INTS1: variants seen among roughly 807,000 people sequenced by gnomAD.
INTS1 encodes integrator complex subunit 1.
INTS1 carries 137 observed loss-of-function variants against 241.6 expected under a neutral mutation model. That is an observed-to-expected ratio of 0.57 (90% confidence interval 0.49 to 0.65). The LOEUF (loss-of-function observed/expected upper bound fraction) is 0.65. Among genes scored for constraint, INTS1 ranks in the 30% least tolerant of loss-of-function variants. The pLI is 0.00. For synonymous variants in INTS1, 1,692 were observed against 1,337.8 expected (o/e 1.26, Z -5.78); for missense variants, 3,073 against 3,032.2 (o/e 1.01, Z -0.32).
Position 1,476,263 on chromosome 7 carries a change from G to A in INTS1, c.5344C>T (p.His1782Tyr), listed in dbSNP as rs1218861582. Residue 1782 changes from histidine (H) to tyrosine (Y), a missense_variant, in exon 38 of 48, where the codon CAC becomes TAC. Transcript: ENST00000404767. Reference sequence around the variant, plus strand: ...CACTGCTGGATGCAGCCTGACAGGTGCTCCGTCACCTTCCTGACACTCTCA... The same window carrying A: ...CACTGCTGGATGCAGCCTGACAGGTACTCCGTCACCTTCCTGACACTCTCA... ...DDESVRKVTE[H>Y]LSGCIQQWGD... is the part of the protein sequence containing the mutation. The A allele has an allele frequency of 1.3e-6, 2 of 1,570,516 alleles. No individual in the cohort carries two copies. The highest frequency in any genetic ancestry group is 8.6e-7 in the Non-Finnish European group (1 of 1,159,590).
In INTS1 at chr7:1,476,727, G is replaced by A. The variant is rs574422386; in HGVS notation, c.5063+67C>T. 8 of 1,612,050 alleles carry A rather than the reference G, an allele frequency of 5.0e-6. No individual in the cohort carries two copies. In the East Asian group the frequency reaches 1.8e-4, roughly 36 times the overall value. On this transcript the variant is annotated intron_variant, in intron 36 of 47. Coordinates refer to ENST00000404767, the MANE Select transcript of INTS1 (RefSeq NM_001080453.3). Reference sequence around the variant, plus strand: ...GCATGGGAGATACCAGTCAGAGCCGGCGCTGGGAGATTTCTGGTGAAGGCC... The same window carrying A: ...GCATGGGAGATACCAGTCAGAGCCGACGCTGGGAGATTTCTGGTGAAGGCC...
At chr7:1,471,697 AC>A in intron 44 of INTS1, 56 bp from the exon 45 acceptor site, 2 of 1,556,944 alleles carry the variant, frequency 1.3e-6, no homozygotes, top group South Asian at 1.1e-5. Context: ...ACCTCTGCCC[AC>A]CCCACCCCAG....
At position 1,493,147 on chromosome 7, in the gene INTS1, A is replaced by T. The variant is rs769226582; in HGVS notation, c.2069-41T>A. 2 of 1,525,646 alleles carry T rather than the reference A, an allele frequency of 1.3e-6. No individual in the cohort carries two copies. The highest frequency in any genetic ancestry group is 3.4e-5 in the Admixed American group (2 of 58,792). The allele number at this position is 1,525,646 out of a possible 1,614,324, so 94.5% of individuals were successfully genotyped here. On this transcript the variant is annotated intron_variant, in intron 15 of 47. Transcript: ENST00000404767. This position sits in a 1 kb window ranked among gnomAD's most constrained non-coding sequence, Gnocchi z 5.3. ...ACACATGGGTTCTGGGGCTGCTCAC[A>T]GACCATCAGGCACAGGCAGCGAGGG...
In INTS1 at chr7:1,482,577, GA is replaced by G; in HGVS notation, c.3671del (p.Ile1224ThrfsTer35). 2 of 1,612,782 alleles carry G rather than the reference GA, an allele frequency of 1.2e-6. No individual in the cohort carries two copies. The highest frequency in any genetic ancestry group is 1.7e-6 in the Non-Finnish European group (2 of 1,179,840). The stretch of plus-strand genomic sequence containing the variant: ...CCACCAGGCGGAGCACCTCAGAACG[GA>G]TCATGCGCAGCTTCAGCCAGTCAGG... ...LLPDWLKLRM[I>X]RSEVLRLVDA... is the part of the protein sequence containing the mutation. On this transcript the variant is annotated frameshift_variant, in exon 27 of 48. Transcript: ENST00000404767. LOFTEE classifies it high-confidence loss of function.
At chr7:1,472,103 AG>A in intron 44 of INTS1, 169 bp downstream of exon 44, 2 of 608,428 alleles carry the variant, frequency 3.3e-6, no homozygotes, top group Non-Finnish European at 5.9e-6. Flanking sequence ...TGAGTTTCTA[AG>A]GCCCTCTCTG....
In INTS1 at chr7:1,477,585, C is replaced by T. The variant is rs1466639536; in HGVS notation, c.4903G>A (p.Asp1635Asn). The change falls in exon 35 of 48, where the codon GAC becomes AAC. Residue 1635 changes from aspartate to asparagine, a missense_variant. Transcript: ENST00000404767. ...LDPEVVSSCP[D>N]LQLRLLFSRR... ...GAGAAGAGCAGCCTGAGCTGCAGGTCGGGGCAGCTGCTGACCACCTCGGGG... is the reference window on the plus strand; with the variant it reads ...GAGAAGAGCAGCCTGAGCTGCAGGTTGGGGCAGCTGCTGACCACCTCGGGG... 1.9e-6 allele frequency: 3 copies of T among 1,555,246 alleles called. No individual in the cohort carries two copies. The highest frequency in any genetic ancestry group is 2.4e-5 in the East Asian group (1 of 42,060).
At chr7:1,494,619 C>G in intron 14 of INTS1, 197 bp downstream of exon 14, 1 of 633,004 alleles carries the variant, frequency 1.6e-6, no homozygotes, top group Non-Finnish European at 2.8e-6. Context: ...GCAGCTGAAT[C>G]CCTACAGTGG....
rs1450356636 is a variant in INTS1 at position 1,493,624 on chromosome 7, C to G, written c.2068+130G>C. ...GTGGAGAAGGCAGGTCCCCGAGCCT[C>G]CCGGGGACCCAGGACCCAGCTGAAG... On this transcript the variant is annotated intron_variant, in intron 15 of 47. Coordinates refer to ENST00000404767, the MANE Select transcript of INTS1 (RefSeq NM_001080453.3). This position sits in a 1 kb window ranked among gnomAD's most constrained non-coding sequence, Gnocchi z 5.3. The G allele has an allele frequency of 1.7e-5, 21 of 1,262,702 alleles. No individual in the cohort carries two copies. Among genetic ancestry groups the G allele is most frequent in the Non-Finnish European group, 2.1e-5 (20 of 944,710 alleles). 78.2% of individuals were successfully genotyped at this position (1,262,702 alleles called of 1,614,324 possible).
rs1449375105 is a variant in INTS1, at chr7:1,474,235, T to G, written c.5762A>C (p.His1921Pro). ...VLGLLELLQPHVFRSEHQGAL... is the reference protein window; with the variant it reads ...VLGLLELLQPPVFRSEHQGAL... ...CCCCTGGTGCTCGCTGCGGAACACG[T>G]GCGGCTGCAGCAGCTCCAGCAGGCC... The change falls in exon 41 of 48, where the codon CAC (histidine) becomes CCC (proline). Residue 1921 changes from histidine to proline, a missense_variant. By Grantham distance (77) the His-to-Pro change is moderately conservative (BLOSUM62 -2). Coordinates refer to ENST00000404767, the MANE Select transcript of INTS1 (RefSeq NM_001080453.3). The G allele has an allele frequency of 6.2e-7, 1 of 1,602,236 alleles. No homozygotes were observed. The highest frequency in any genetic ancestry group is 8.5e-7 in the Non-Finnish European group (1 of 1,176,072).
rs372609322 is a variant in INTS1, at chr7:1,497,349, G to A, written c.1426-35C>T. ...AGAGAGGCCGCGTGGGAGGCTGCCC[G>A]ACAGTGCTGTCCCTGTCACAGGCCC... On this transcript the variant is annotated intron_variant, in intron 10 of 47. Transcript: ENST00000404767. The surrounding 1 kb of genome is among the most constrained non-coding windows in gnomAD (Gnocchi z 5.3). The A allele has an allele frequency of 5.0e-5, 80 of 1,592,686 alleles. No individual in the cohort carries two copies. The highest frequency in any genetic ancestry group is 6.4e-5 in the Non-Finnish European group (75 of 1,169,958).
chr7:1,474,683 G>A (rs1291362800), intron 40 of INTS1, 22 bp downstream of exon 40: 10 of 1,551,330 alleles, frequency 6.4e-6, no homozygotes, highest in East Asian at 2.4e-5. Context: ...GTCTGGCGAG[G>A]GCAGGGCTTC....
At chr7:1,483,680 G>C in intron 26 of INTS1, 62 bp downstream of exon 26, 2 of 1,291,374 alleles carry the variant, frequency 1.5e-6, no homozygotes, top group South Asian at 2.4e-5. Flanking sequence ...GCCGCTGGGT[G>C]TGGTCAGGGC....
In INTS1 at chr7:1,498,341, C is replaced by T. The variant is rs562873235; in HGVS notation, c.1425+71G>A. ...CTGCCAATCCACCGGCCTCCCCAGA[C>T]GCCACGTGCCCCTCCAGCCCAGAGC... On this transcript the variant is annotated intron_variant, in intron 10 of 47. Coordinates refer to ENST00000404767, the MANE Select transcript of INTS1 (RefSeq NM_001080453.3). 7.5e-5 allele frequency: 118 copies of T among 1,578,394 alleles called. No homozygotes were observed. In the Middle Eastern group the frequency reaches 8.5e-4, roughly 11 times the overall value.
rs1238424248 is a variant in INTS1 at position 1,480,967 on chromosome 7, G to A, written c.3851-34C>T. ...CGTAGCAGGGTCACACCTGGGCGCGGCCAGGGGCCAGGGAGCAGGTCCTTC... is the reference window on the plus strand; with the variant it reads ...CGTAGCAGGGTCACACCTGGGCGCGACCAGGGGCCAGGGAGCAGGTCCTTC... On this transcript the variant is annotated intron_variant, in intron 28 of 47. Coordinates refer to ENST00000404767, the MANE Select transcript of INTS1 (RefSeq NM_001080453.3). 7 of 1,475,808 alleles carry A rather than the reference G, an allele frequency of 4.7e-6. 1 individual carries two copies. Among genetic ancestry groups the A allele is most frequent in the South Asian group, 1.2e-5 (1 of 84,204 alleles). The allele number at this position is 1,475,808 out of a possible 1,614,324, so 91.4% of individuals were successfully genotyped here.
In INTS1 at chr7:1,497,054, T is replaced by C. The variant is rs1284743420; in HGVS notation, c.1602+84A>G. 2 of 1,347,032 alleles carry C rather than the reference T, an allele frequency of 1.5e-6. No homozygotes were observed. Among genetic ancestry groups the C allele is most frequent in the South Asian group, 1.4e-5 (1 of 69,392 alleles). The allele number at this position is 1,347,032 out of a possible 1,614,324, so 83.4% of individuals were successfully genotyped here. A position where few individuals can be genotyped will look rare whatever the true frequency, so the allele number is the denominator to read the frequency against. ...AGCCAGAGCATCCGAAGGGGTGGAG[T>C]GTGCATGGGACCCAGGACGAGGGGG... On this transcript the variant is annotated intron_variant, in intron 11 of 47. Transcript: ENST00000404767. This position sits in a 1 kb window ranked among gnomAD's most constrained non-coding sequence, Gnocchi z 5.3.
chr7:1,473,134 GC>G lies in INTS1; in HGVS notation c.6007del (p.Ala2003GlnfsTer40). ...SDLVMLKSLL[A>X]GLSLPSRDDR... ...GTCCCTGCTGGGCAGGCTGAGCCCTGCAAGGAGGGATTTCAGCATCACCAGG... is the reference window on the plus strand; with the variant it reads ...GTCCCTGCTGGGCAGGCTGAGCCCTGAAGGAGGGATTTCAGCATCACCAGG... On this transcript the variant is annotated frameshift_variant, in exon 43 of 48. Transcript: ENST00000404767. LOFTEE classifies it high-confidence loss of function. The G allele has an allele frequency of 6.2e-7, 1 of 1,612,248 alleles. No individual in the cohort carries two copies. The highest frequency in any genetic ancestry group is 8.5e-7 in the Non-Finnish European group (1 of 1,179,482).
chr7:1,498,943 G>GA, intron 8 of INTS1, 32 bp downstream of exon 8: 2 of 1,070,746 alleles, frequency 1.9e-6, no homozygotes, highest in Non-Finnish European at 2.5e-6. Context: ...CCCACCCCCT[G>GA]CCCCGCCCAC....
intron 18 of INTS1, among the ~76,000 whole-genome samples, 188 bp downstream of exon 18, chr7:1,489,156 G>A (rs891394566): frequency 2.0e-5 from 3 of 152,170 alleles, no homozygotes; most frequent in African/African-American, 4.8e-5. Context: ...CCCCTCTCCC[G>A]GCAAGGGAAA....
Position 1,474,320 on chromosome 7 carries a change from G to A in INTS1, c.5677C>T (p.His1893Tyr), listed in dbSNP as rs768888544. The A allele has an allele frequency of 1.2e-6, 2 of 1,606,952 alleles. No individual in the cohort carries two copies. Among genetic ancestry groups the A allele is most frequent in the South Asian group, 1.1e-5 (1 of 90,912 alleles). ...MIAALLHGRTHLNFQEFRQQN... is the reference protein window; with the variant it reads ...MIAALLHGRTYLNFQEFRQQN... ...TGCCGGAACTCCTGGAAGTTGAGGTGGGTGCGGCCGTGCAGGAGCGCCGCG... is the reference window on the plus strand; with the variant it reads ...TGCCGGAACTCCTGGAAGTTGAGGTAGGTGCGGCCGTGCAGGAGCGCCGCG... The change falls in exon 41 of 48, where the codon CAC becomes TAC. Residue 1893 changes from histidine (H) to tyrosine (Y), a missense_variant. Physicochemically the swap from His to Tyr is moderately conservative, Grantham distance 83. Coordinates refer to ENST00000404767, the MANE Select transcript of INTS1 (RefSeq NM_001080453.3).
Sources: allele counts gnomAD v4.1 joint callset (sites outside exome capture counted in the v4.1 genomes callset), GRCh38; gene constraint gnomAD v4.1.1; non-coding constraint Gnocchi (gnomAD v3.1); transcripts MANE v1.5; gene names NCBI Gene and HGNC (gene_info 2026-07-23, HGNC 2026-07-21).